ADAMTS3: variants seen among roughly 807,000 people sequenced by gnomAD.
ADAMTS3 encodes the protein A disintegrin and metalloproteinase with thrombospondin motifs 3.
Under a neutral mutation model 129.0 loss-of-function variants are expected in ADAMTS3, and 73 were observed. That is an observed-to-expected ratio of 0.57 (90% confidence interval 0.47 to 0.69). The LOEUF is 0.69. Among genes scored for constraint, ADAMTS3 ranks in the 30% least tolerant of loss-of-function variants. The pLI is 0.00. For synonymous variants in ADAMTS3, 477 were observed against 510.8 expected, an observed-to-expected ratio of 0.93 and a Z score of 0.89; for missense variants, 1,457 against 1,514.5, an observed-to-expected ratio of 0.96 and a Z score of 0.63.
chr4:72,453,747 T>G (rs1179045289), intron 3 of ADAMTS3, among the ~76,000 whole-genome samples: 2 of 151,512 alleles, frequency 1.3e-5, no homozygotes, highest in Non-Finnish European at 3.0e-5. Flanking sequence ...AAGTAGCTTA[T>G]AACAAGGATA....
chr4:72,333,785 T>C (rs1289537584), intron 5 of ADAMTS3, among the ~76,000 whole-genome samples: 7 of 151,876 alleles, frequency 4.6e-5, no homozygotes, highest in Non-Finnish European at 1.0e-4. Flanking sequence ...AATTTAATAA[T>C]CAATTCCTGA....
intron 3 of ADAMTS3, among the ~76,000 whole-genome samples, chr4:72,518,380 C>T (rs147765643): frequency 0.011 from 1,727 of 152,194 alleles, 38 homozygotes; most frequent in African/African-American, 0.04. Flanking sequence ...GAGTTCAATT[C>T]CTGGGTATCC....
intron 4 of ADAMTS3, among the ~76,000 whole-genome samples, chr4:72,358,428 G>T (rs1720637015): frequency 6.6e-6 from 1 of 151,878 alleles, no homozygotes; most frequent in South Asian, 2.1e-4. Context: ...ACTCCTGCAG[G>T]TCCCGAAACA....
chr4:72,303,843 TA>T, intron 17 of ADAMTS3, 73 bp downstream of exon 17: 1 of 1,482,496 alleles, frequency 6.7e-7, no homozygotes, highest in Non-Finnish European at 9.3e-7. Context: ...ATGTTCAAGG[TA>T]AAAGTGTTTT....
At chr4:72,291,326 G>A (rs1718659045) in intron 19 of ADAMTS3, among the ~76,000 whole-genome samples, 1 of 151,870 alleles carries the variant, frequency 6.6e-6, no homozygotes, top group Non-Finnish European at 1.5e-5. Flanking sequence ...ATGTATACAT[G>A]TGCCATGCTG....
chr4:72,409,616 T>C (rs895942558), intron 4 of ADAMTS3, among the ~76,000 whole-genome samples: 8 of 152,158 alleles, frequency 5.3e-5, no homozygotes, highest in African/African-American at 1.9e-4. Flanking sequence ...TCTATCTATC[T>C]CCTAAATAAG....
chr4:72,290,405 A>T (rs920524807), intron 20 of ADAMTS3, among the ~76,000 whole-genome samples: 1 of 152,078 alleles, frequency 6.6e-6, no homozygotes, highest in Non-Finnish European at 1.5e-5. Flanking sequence ...AGGTAGGAGG[A>T]GGGGGAGTAC....
At chr4:72,488,509 T>C (rs951148558) in intron 3 of ADAMTS3, among the ~76,000 whole-genome samples, 2 of 151,936 alleles carry the variant, frequency 1.3e-5, no homozygotes, top group African/African-American at 4.8e-5. Context: ...AGATGATCCA[T>C]TGCTCATCAC....
intron 1 of ADAMTS3, among the ~76,000 whole-genome samples, chr4:72,568,331 C>CAGA (rs1722074540): frequency 6.6e-6 from 1 of 152,168 alleles, no homozygotes; most frequent in South Asian, 2.1e-4. Context: ...ACCCAGCGTC[C>CAGA]AGAACTTCAT....
chr4:72,483,467 C>A (rs985111622), intron 3 of ADAMTS3, among the ~76,000 whole-genome samples: 1 of 152,164 alleles, frequency 6.6e-6, no homozygotes, highest in Non-Finnish European at 1.5e-5. Flanking sequence ...GTATCCCTCA[C>A]TCCTTTTATT....
chr4:72,502,524 A>G (rs961155730), intron 3 of ADAMTS3, among the ~76,000 whole-genome samples: 1 of 152,084 alleles, frequency 6.6e-6, no homozygotes, highest in Admixed American at 6.6e-5. Flanking sequence ...TCTAAAGAGC[A>G]ATCTATCAAT....
intron 4 of ADAMTS3, among the ~76,000 whole-genome samples, chr4:72,368,910 CTG>C (rs1720935850): frequency 6.6e-6 from 1 of 152,140 alleles, no homozygotes; most frequent in South Asian, 2.1e-4. Context: ...GACTAAGTAA[CTG>C]AAGCTAAAAC....
chr4:72,566,703 T>C (rs1458025161), intron 2 of ADAMTS3, among the ~76,000 whole-genome samples: 1 of 152,248 alleles, frequency 6.6e-6, no homozygotes, highest in Non-Finnish European at 1.5e-5. Flanking sequence ...TACATTATTC[T>C]AAACAGCTTC....
intron 4 of ADAMTS3, among the ~76,000 whole-genome samples, chr4:72,365,653 C>T (rs1389098509): frequency 5.3e-5 from 8 of 151,852 alleles, no homozygotes; most frequent in East Asian, 1.9e-4. Flanking sequence ...GTAAAGTATC[C>T]GGAACATAGA....
intron 3 of ADAMTS3, among the ~76,000 whole-genome samples, chr4:72,518,331 G>A (rs1560547201): frequency 6.6e-6 from 1 of 152,168 alleles, no homozygotes; most frequent in Non-Finnish European, 1.5e-5. Flanking sequence ...GGGGTGGAGA[G>A]TTCTGTAGAT....
chr4:72,348,195 T>C (rs1285268917), intron 4 of ADAMTS3, among the ~76,000 whole-genome samples: 2 of 151,924 alleles, frequency 1.3e-5, no homozygotes, highest in African/African-American at 2.4e-5. Flanking sequence ...CTTACCCTCA[T>C]AGAACTTACA....
intron 3 of ADAMTS3, among the ~76,000 whole-genome samples, chr4:72,494,886 A>G (rs927096183): frequency 3.9e-5 from 6 of 152,210 alleles, no homozygotes; most frequent in African/African-American, 1.4e-4. Context: ...AGAGACTATG[A>G]GGATCTTCAG....
At chr4:72,365,044 A>G (rs192688685) in intron 4 of ADAMTS3, among the ~76,000 whole-genome samples, 20 of 152,348 alleles carry the variant, frequency 1.3e-4, no homozygotes, top group African/African-American at 4.6e-4. Context: ...TGCAATGCCT[A>G]CACAGTACAG....
intron 4 of ADAMTS3, among the ~76,000 whole-genome samples, chr4:72,378,305 T>C (rs980536419): frequency 6.6e-6 from 1 of 152,138 alleles, no homozygotes; most frequent in Non-Finnish European, 1.5e-5. Context: ...AGAGTCAAAA[T>C]GGTTACTTTC....
Sources: gnomAD v4.1 joint callset for allele counts (sites outside exome capture counted in the v4.1 genomes callset) on GRCh38, gnomAD v4.1.1 for gene constraint, MANE v1.5 for transcripts, NCBI Gene and HGNC (gene_info 2026-07-23, HGNC 2026-07-21) for gene names.